INPP4B: variants seen among roughly 807,000 people sequenced by gnomAD.
The protein encoded by INPP4B is inositol polyphosphate 4-phosphatase type II.
Under a neutral mutation model 122.5 loss-of-function variants are expected in INPP4B, and 55 were observed. The ratio of observed to expected loss-of-function variants is 0.45; its 90% confidence interval spans 0.36 to 0.56. The LOEUF is 0.56. INPP4B is among the 20% of genes least tolerant of loss of function. INPP4B has a pLI of 0.00. For synonymous variants in INPP4B, 403 were observed against 388.7 expected, an observed-to-expected ratio of 1.04 and a Z score of -0.43; for missense variants, 1,000 against 1,097.7, an observed-to-expected ratio of 0.91 and a Z score of 1.26.
At chr4:142,260,980 A>C (rs979444595) in intron 10 of INPP4B, among the ~76,000 whole-genome samples, 1 of 152,222 alleles carries the variant, frequency 6.6e-6, no homozygotes, top group Non-Finnish European at 1.5e-5. Context: ...AAAAGACAAA[A>C]TATGTTGACG....
chr4:142,224,180 C>T (rs1850532651), intron 12 of INPP4B, among the ~76,000 whole-genome samples: 1 of 152,074 alleles, frequency 6.6e-6, no homozygotes, highest in Non-Finnish European at 1.5e-5. Context: ...GAAGGGGAAC[C>T]CTTGTCTGAT....
intron 12 of INPP4B, among the ~76,000 whole-genome samples, chr4:142,233,433 C>A (rs1855311891): frequency 1.3e-5 from 2 of 152,118 alleles, no homozygotes; most frequent in African/African-American, 4.8e-5. Context: ...CAACTTCTGT[C>A]TTTATGGAGA....
At chr4:142,209,650 A>G (rs1049389788) in intron 12 of INPP4B, among the ~76,000 whole-genome samples, 1 of 151,762 alleles carries the variant, frequency 6.6e-6, no homozygotes, top group African/African-American at 2.4e-5. Context: ...AAACTTAGCC[A>G]GGTGTGGTGG....
At chr4:142,091,654 A>C (rs991330721) in intron 23 of INPP4B, among the ~76,000 whole-genome samples, 1 of 152,232 alleles carries the variant, frequency 6.6e-6, no homozygotes, top group African/African-American at 2.4e-5. Flanking sequence ...CCAATGGAAC[A>C]GAACAATCAA....
intron 25 of INPP4B, among the ~76,000 whole-genome samples, chr4:142,068,467 A>T (rs1005046595): frequency 4.6e-5 from 7 of 152,222 alleles, no homozygotes; most frequent in Non-Finnish European, 8.8e-5. Context: ...ACAGGATCAA[A>T]TTCACATGTA....
In INPP4B at chr4:142,043,620, TGAG is replaced by T. The variant is rs762509973; in HGVS notation, c.2643-14709_2643-14707del. On this transcript the variant is annotated intron_variant, in intron 25 of 25. Transcript: ENST00000262992. ...TCACAGCTAGCTTTGGTCATAATGATGAGGAGGCAAAAAAAAAATGAAAGGAAA... is the reference window on the plus strand; with the variant it reads ...TCACAGCTAGCTTTGGTCATAATGATGAGGCAAAAAAAAAATGAAAGGAAA... Among the ~76,000 whole-genome samples, 590 of 82,224 alleles carry T rather than the reference TGAG, an allele frequency of 7.2e-3. 6 individuals carry two copies. Among genetic ancestry groups the T allele is most frequent in the Middle Eastern group, 0.03 (5 of 168 alleles). 53.9% of individuals were successfully genotyped at this position (82,224 alleles called of 152,430 possible).
chr4:142,667,057 T>C (rs1756212327), intron 2 of INPP4B, among the ~76,000 whole-genome samples: 1 of 152,200 alleles, frequency 6.6e-6, no homozygotes, highest in African/African-American at 2.4e-5. Context: ...TGGTCTGGCA[T>C]TTGAAAGCCT....
At chr4:142,289,081 CATTCTGGT>C (rs1755179129) in intron 9 of INPP4B, among the ~76,000 whole-genome samples, 1 of 152,058 alleles carries the variant, frequency 6.6e-6, no homozygotes, top group Admixed American at 6.6e-5. Context: ...TTCTCCTCTC[CATTCTGGT>C]ATTGTTTAAT....
rs186091627 is a variant in INPP4B at position 142,592,855 on chromosome 4, C to T, written c.-190-130129G>A. ...ATGGCTCATGCCTGTAATCCCAGCACTTTGGGAGGCTGAGGTAGGAGGATC... is the reference window on the plus strand; with the variant it reads ...ATGGCTCATGCCTGTAATCCCAGCATTTTGGGAGGCTGAGGTAGGAGGATC... On this transcript the variant is annotated intron_variant, in intron 2 of 25. Coordinates refer to ENST00000262992, the MANE Select transcript of INPP4B (RefSeq NM_001101669.3). 3.6e-3 allele frequency among the ~76,000 whole-genome samples: 550 copies of T among 152,198 alleles called. 7 individuals carry two copies. Among genetic ancestry groups the T allele is most frequent in the East Asian group, 0.018 (95 of 5,172 alleles).
chr4:142,264,512 C>A (rs891429094), intron 10 of INPP4B, among the ~76,000 whole-genome samples: 2 of 152,080 alleles, frequency 1.3e-5, no homozygotes, highest in Non-Finnish European at 1.5e-5. Context: ...AATGCTTTAT[C>A]TTCTATTTCT....
At chr4:142,495,887 T>C (rs1251421147) in intron 2 of INPP4B, among the ~76,000 whole-genome samples, 1 of 152,168 alleles carries the variant, frequency 6.6e-6, no homozygotes, top group Non-Finnish European at 1.5e-5. Flanking sequence ...GATGCTTTGC[T>C]TAGGTGAATA....
intron 15 of INPP4B, among the ~76,000 whole-genome samples, chr4:142,178,911 AT>A: frequency 6.6e-6 from 1 of 152,194 alleles, no homozygotes; most frequent in South Asian, 2.1e-4. Flanking sequence ...TGAGAAGAAA[AT>A]AATATGGATC....
At chr4:142,187,063 C>CTGTT (rs1393453882) in intron 15 of INPP4B, among the ~76,000 whole-genome samples, 5 of 138,374 alleles carry the variant, frequency 3.6e-5, no homozygotes, top group African/African-American at 1.4e-4. Flanking sequence ...TGAGAGTAGC[C>CTGTT]AACAAGGAAC....
intron 1 of INPP4B, among the ~76,000 whole-genome samples, chr4:142,743,906 CA>C (rs1768270599): frequency 6.6e-6 from 1 of 151,618 alleles, no homozygotes; most frequent in Non-Finnish European, 1.5e-5. Context: ...CTTATATTAC[CA>C]GATTACTAGA....
intron 23 of INPP4B, among the ~76,000 whole-genome samples, chr4:142,095,891 C>T (rs1285355797): frequency 6.6e-6 from 1 of 152,128 alleles, no homozygotes; most frequent in African/African-American, 2.4e-5. Flanking sequence ...ATCGTCTTAA[C>T]CATCTCTCTA....
intron 1 of INPP4B, among the ~76,000 whole-genome samples, chr4:142,736,515 TC>T (rs1766926699): frequency 6.6e-6 from 1 of 152,198 alleles, no homozygotes; most frequent in Admixed American, 6.5e-5. Flanking sequence ...GTCCTTCACA[TC>T]CCTTGTAAGT....
intron 1 of INPP4B, among the ~76,000 whole-genome samples, chr4:142,811,639 G>A (rs747911721): frequency 2.0e-5 from 3 of 152,108 alleles, no homozygotes; most frequent in Non-Finnish European, 4.4e-5. Flanking sequence ...CCTATTTATA[G>A]CACTTGGTAA....
intron 2 of INPP4B, among the ~76,000 whole-genome samples, chr4:142,519,430 G>A (rs1404940191): frequency 1.3e-5 from 2 of 152,060 alleles, no homozygotes; most frequent in Non-Finnish European, 2.9e-5. Context: ...TTACCCAGGT[G>A]GTTATAAGCA....
chr4:142,626,088 C>G (rs923976547), intron 2 of INPP4B, among the ~76,000 whole-genome samples: 2 of 152,146 alleles, frequency 1.3e-5, no homozygotes, highest in Non-Finnish European at 2.9e-5. Context: ...GACTTCATGT[C>G]TGAAACACCA....
Sources: gnomAD v4.1 joint callset for allele counts (sites outside exome capture counted in the v4.1 genomes callset) on GRCh38, gnomAD v4.1.1 for gene constraint, MANE v1.5 for transcripts, NCBI Gene and HGNC (gene_info 2026-07-23, HGNC 2026-07-21) for gene names.